Variants in MACF1 observed in about 807,000 individuals in gnomAD.
MACF1 encodes the protein microtubule-actin cross-linking factor 1.
MACF1 carries 193 observed loss-of-function variants against 854.8 expected under a neutral mutation model. That is an observed-to-expected ratio of 0.23 (90% CI 0.20 to 0.25). The LOEUF is 0.25. MACF1 is among the 10% of genes least tolerant of loss of function. The probability of loss-of-function intolerance (pLI) is 1.00; values close to 1 mark genes in which losing one functional copy is unlikely to be tolerated. For missense variants in MACF1, 7,722 were observed against 8,929.1 expected (o/e 0.86, Z 5.45); for synonymous variants, 3,185 against 3,226.7 (o/e 0.99, Z 0.44).
chr1:39,127,645 T>C (rs542068058), intron 2 of MACF1, among the ~76,000 whole-genome samples: 5 of 152,352 alleles, frequency 3.3e-5, no homozygotes, highest in African/African-American at 9.6e-5. Context: ...TAGAACTGTT[T>C]GGCTTGAGTC....
chr1:39,302,283 C>T (rs1039657662), intron 22 of MACF1, among the ~76,000 whole-genome samples: 6 of 152,214 alleles, frequency 3.9e-5, no homozygotes, highest in African/African-American at 1.2e-4. Context: ...TAGGTGTGAG[C>T]TGCTGTGCCT....
Position 39,465,089 on chromosome 1 carries a change from C to G in MACF1, c.21754-6C>G, listed in dbSNP as rs772055321. The stretch of plus-strand genomic sequence containing the variant: ...TCCTCCATCCTTTACTCTTTACTGT[C>G]TATAGTTCTTCCTCGGCAATCAGGT... On this transcript the variant is annotated splice_polypyrimidine_tract_variant and splice_region_variant and intron_variant, in intron 94 of 100. Transcript: ENST00000564288. 6 of 1,612,300 alleles carry G rather than the reference C, an allele frequency of 3.7e-6. No homozygotes were observed. The Admixed American group carries it at 1.0e-4, about 27-fold the overall frequency.
chr1:39,482,513 TG>T (rs1557677843), intron 99 of MACF1, among the ~76,000 whole-genome samples: 7 of 93,288 alleles, frequency 7.5e-5, no homozygotes, highest in Non-Finnish European at 1.8e-4. Flanking sequence ...GGGGTTTTTT[TG>T]TTTGTTTGTT....
At chr1:39,462,549 C>A (rs1424893148) in intron 93 of MACF1, among the ~76,000 whole-genome samples, 1 of 138,040 alleles carries the variant, frequency 7.2e-6, no homozygotes, top group African/African-American at 2.7e-5. Context: ...TCCCCCCCGC[C>A]AAAAAAAAAA....
chr1:39,192,521 C>T (rs528080455), intron 2 of MACF1, among the ~76,000 whole-genome samples: 2 of 152,310 alleles, frequency 1.3e-5, no homozygotes, highest in East Asian at 1.9e-4. Context: ...CTGGACATAG[C>T]ATTGTTGCCT....
chr1:39,453,200 G>A (rs1426221003), intron 87 of MACF1, among the ~76,000 whole-genome samples: 2 of 152,144 alleles, frequency 1.3e-5, no homozygotes, highest in Non-Finnish European at 2.9e-5. Context: ...ATGGTGCAGT[G>A]TCTGGGGTCT....
intron 71 of MACF1, among the ~76,000 whole-genome samples, chr1:39,438,320 A>G (rs1191007093): frequency 6.6e-6 from 1 of 152,240 alleles, no homozygotes; most frequent in Non-Finnish European, 1.5e-5. Context: ...TGGGAAACAT[A>G]CAAGTTTAAC....
rs1188633243 is a variant in MACF1, at chr1:39,250,034, T to C, written c.192T>C (p.Asp64=). Residue 64 remains aspartate, a synonymous_variant, in exon 3 of 101, where the codon GAT becomes GAC. Transcript: ENST00000564288. ...CACAGGTCCGCAAGCACATCAATGA[T>C]CTTTATGAAGATCTGCGGGATGGCC... ...HLMKVRKHIN[D]LYEDLRDGHN... 6.2e-7 allele frequency: 1 copy of C among 1,613,170 alleles called. No individual in the cohort carries two copies.
Position 39,305,668 on chromosome 1 carries a change from A to G in MACF1, c.2789+2590A>G, listed in dbSNP as rs569033335. Among the ~76,000 whole-genome samples, 16 of 152,190 alleles carry G rather than the reference A, an allele frequency of 1.1e-4. No homozygotes were observed. In the East Asian group the frequency reaches 2.5e-3, roughly 24 times the overall value. ...GTTGTTTAAAGCTGAGCCACATCTTACTCTAGGGGACTATTGTGAGGCGAC... is the reference window on the plus strand; with the variant it reads ...GTTGTTTAAAGCTGAGCCACATCTTGCTCTAGGGGACTATTGTGAGGCGAC... On this transcript the variant is annotated intron_variant, in intron 23 of 100. Transcript: ENST00000564288.
At position 39,334,277 on chromosome 1, in the gene MACF1, A is replaced by C. The variant is rs781369341; in HGVS notation, c.7689A>C (p.Leu2563Phe). Residue 2563 changes from leucine (L) to phenylalanine (F), a missense_variant, in exon 37 of 101, where the codon TTA becomes TTC. Physicochemically the swap from Leu to Phe is conservative, Grantham distance 22 (BLOSUM62 0). Transcript: ENST00000564288. ...TTTCCCTCCCTAAAGCCATAAAATT[A>C]GATCTTATTACCTCAGACCTGAAAA... ...ENISLPKAIKLDLITSDLKRE... is the reference protein window; with the variant it reads ...ENISLPKAIKFDLITSDLKRE... 1.5e-5 allele frequency: 24 copies of C among 1,613,808 alleles called. No individual in the cohort carries two copies. The highest frequency in any genetic ancestry group is 1.9e-5 in the Non-Finnish European group (23 of 1,179,920).
chr1:39,160,899 G>A (rs1643785388), intron 2 of MACF1, among the ~76,000 whole-genome samples: 1 of 152,188 alleles, frequency 6.6e-6, no homozygotes, highest in Admixed American at 6.5e-5. Context: ...AGGGCTGATG[G>A]AAAGAGGTAA....
intron 4 of MACF1, 115 bp from the exon 5 acceptor site, chr1:39,254,183 C>A: frequency 1.2e-6 from 1 of 850,952 alleles, no homozygotes. Context: ...CCAGGCCTGG[C>A]TTCTACTGTA....
At chr1:39,138,323 C>T (rs917117537) in intron 2 of MACF1, among the ~76,000 whole-genome samples, 1 of 151,768 alleles carries the variant, frequency 6.6e-6, no homozygotes, top group Non-Finnish European at 1.5e-5. Context: ...GTGGCTCACG[C>T]CTGTAATCCC....
At chr1:39,126,933 A>C (rs1411803885) in intron 2 of MACF1, among the ~76,000 whole-genome samples, 1 of 151,988 alleles carries the variant, frequency 6.6e-6, no homozygotes, top group Non-Finnish European at 1.5e-5. Flanking sequence ...TAGAGTTAAA[A>C]CTTTCCTTGT....
In MACF1 at chr1:39,283,525, C is replaced by T. The variant is rs760030120; in HGVS notation, c.915+10C>T. 1 of 1,569,388 alleles carries T rather than the reference C, an allele frequency of 6.4e-7. No homozygotes were observed. The highest frequency in any genetic ancestry group is 8.8e-7 in the Non-Finnish European group (1 of 1,139,746). ...AGGGATCAGTGCTACGGTAAAAGAA[C>T]ATTTTCCTAGAAGGCCTTCTGACTT... On this transcript the variant is annotated intron_variant, in intron 9 of 100. Coordinates refer to ENST00000564288, the MANE Select transcript of MACF1 (RefSeq NM_001394062.1). This position sits in a 1 kb window ranked among gnomAD's most constrained non-coding sequence, Gnocchi z 4.5.
intron 1 of MACF1, among the ~76,000 whole-genome samples, chr1:39,217,746 G>A (rs957490507): frequency 2.0e-5 from 3 of 151,840 alleles, no homozygotes; most frequent in South Asian, 2.1e-4. Flanking sequence ...GTGTGGTGGC[G>A]TGCGCCTATA....
intron 49 of MACF1, among the ~76,000 whole-genome samples, chr1:39,366,827 A>G (rs1648755867): frequency 6.7e-6 from 1 of 148,786 alleles, no homozygotes; most frequent in African/African-American, 2.5e-5. Flanking sequence ...TGTTTTTAGT[A>G]GAGACAGGGT....
intron 19 of MACF1, 67 bp from the exon 20 acceptor site, chr1:39,295,720 A>C: frequency 8.8e-7 from 1 of 1,130,682 alleles, no homozygotes; most frequent in Non-Finnish European, 1.3e-6. Flanking sequence ...CTTGGAAAAT[A>C]GTATTGCGCA....
At chr1:39,275,778 A>C (rs1329372645) in intron 6 of MACF1, among the ~76,000 whole-genome samples, 1 of 152,168 alleles carries the variant, frequency 6.6e-6, no homozygotes, top group Non-Finnish European at 1.5e-5. Flanking sequence ...GTGAATACTG[A>C]AAGGAGCACT....
Sources: allele counts gnomAD v4.1 joint callset (sites outside exome capture counted in the v4.1 genomes callset), GRCh38; gene constraint gnomAD v4.1.1; non-coding constraint Gnocchi (gnomAD v3.1); transcripts MANE v1.5; gene names NCBI Gene and HGNC (gene_info 2026-07-23, HGNC 2026-07-21).